Variants in ASXL3 observed in about 807,000 individuals in gnomAD.
The protein encoded by ASXL3 is ASXL transcriptional regulator 3.
A neutral mutation model predicts 170.6 loss-of-function variants in ASXL3; 34 were observed. That is an observed-to-expected ratio of 0.20 (90% CI 0.15 to 0.27). ASXL3 has a LOEUF of 0.27. Among genes scored for constraint, ASXL3 ranks in the 10% least tolerant of loss-of-function variants. The probability of loss-of-function intolerance (pLI) is 1.00; values close to 1 mark genes in which losing one functional copy is unlikely to be tolerated. For synonymous variants in ASXL3, 1,002 were observed against 989.1 expected (o/e 1.01, Z -0.24); for missense variants, 2,592 against 2,695.3 (o/e 0.96, Z 0.85).
At chr18:33,634,849 C>G (rs1362606877) in intron 2 of ASXL3, among the ~76,000 whole-genome samples, 1 of 152,138 alleles carries the variant, frequency 6.6e-6, no homozygotes, top group Non-Finnish European at 1.5e-5. Context: ...AGGTGAACAC[C>G]TAGAATCTTT....
intron 11 of ASXL3, among the ~76,000 whole-genome samples, chr18:33,741,821 C>T (rs1004098357): frequency 6.6e-6 from 1 of 152,202 alleles, no homozygotes; most frequent in African/African-American, 2.4e-5. Flanking sequence ...ACTTTACCTG[C>T]ACAGCCTCAG....
chr18:33,674,007 C>A (rs1022127593), intron 7 of ASXL3, among the ~76,000 whole-genome samples: 2 of 152,100 alleles, frequency 1.3e-5, no homozygotes, highest in Admixed American at 6.5e-5. Context: ...ATGGAATGGT[C>A]TAGGTATTTT....
At position 33,751,063 on chromosome 18, in the gene ASXL3, C is replaced by T. The variant is rs2067878404; in HGVS notation, c.*4468C>T. On this transcript the variant is annotated 3_prime_UTR_variant, in exon 12 of 12. Transcript: ENST00000269197. ...CAAGTGTTGCCTACAAAAGTGACTG[C>T]TCACAATACCATAAGTTAAATGAAA... 1 of 152,124 alleles carries T rather than the reference C, an allele frequency of 6.6e-6. No homozygotes were observed. Among genetic ancestry groups the T allele is most frequent in the Non-Finnish European group, 1.5e-5 (1 of 68,020 alleles). 9.4% of individuals were successfully genotyped at this position (152,124 alleles called of 1,614,324 possible). A position where few individuals can be genotyped will look rare whatever the true frequency, so the allele number is the denominator to read the frequency against.
At chr18:33,578,773 T>C in intron 1 of ASXL3, 88 bp downstream of exon 1, 2 of 848,138 alleles carry the variant, frequency 2.4e-6, no homozygotes, top group Non-Finnish European at 3.0e-6. Flanking sequence ...AGACGGCCAC[T>C]TCCAGCCCGA....
chr18:33,585,496 ATTC>A (rs2065027368), intron 1 of ASXL3, among the ~76,000 whole-genome samples: 2 of 152,196 alleles, frequency 1.3e-5, no homozygotes, highest in African/African-American at 4.8e-5. Flanking sequence ...TTCCCTCAGT[ATTC>A]CCACTTGAAG....
intron 11 of ASXL3, among the ~76,000 whole-genome samples, chr18:33,742,532 A>G (rs2067681601): frequency 6.6e-6 from 1 of 152,224 alleles, no homozygotes; most frequent in African/African-American, 2.4e-5. Flanking sequence ...ACTAAAAAAG[A>G]TATTTCAAAA....
At chr18:33,612,862 G>A (rs929385890) in intron 2 of ASXL3, among the ~76,000 whole-genome samples, 2 of 151,996 alleles carry the variant, frequency 1.3e-5, no homozygotes, top group Non-Finnish European at 2.9e-5. Context: ...CTCCATGTTG[G>A]TGCCCTTCCT....
At chr18:33,698,787 A>G (rs959624216) in intron 8 of ASXL3, among the ~76,000 whole-genome samples, 2 of 152,240 alleles carry the variant, frequency 1.3e-5, no homozygotes, top group Non-Finnish European at 1.5e-5. Context: ...GAAGGAGGCC[A>G]TGATTTATTT....
At chr18:33,704,309 AATTAT>A (rs1262229535) in intron 8 of ASXL3, among the ~76,000 whole-genome samples, 9 of 152,146 alleles carry the variant, frequency 5.9e-5, no homozygotes, top group African/African-American at 1.7e-4. Flanking sequence ...CTGAAAAAAG[AATTAT>A]ATTAAAGTAT....
chr18:33,614,874 T>C (rs1054445259), intron 2 of ASXL3: 1 of 152,082 alleles, frequency 6.6e-6, no homozygotes, highest in Middle Eastern at 3.2e-3. Context: ...AAATATTCAG[T>C]AAACCATGTT....
chr18:33,592,786 A>C (rs1368506412), intron 1 of ASXL3, among the ~76,000 whole-genome samples: 1 of 152,180 alleles, frequency 6.6e-6, no homozygotes, highest in African/African-American at 2.4e-5. Context: ...TGTTAGGAAA[A>C]CAAGGTTAAG....
intron 8 of ASXL3, among the ~76,000 whole-genome samples, chr18:33,699,430 G>T (rs1475738680): frequency 6.6e-6 from 1 of 152,132 alleles, no homozygotes; most frequent in African/African-American, 2.4e-5. Context: ...TAATAAATTT[G>T]AACTGGCAAA....
intron 10 of ASXL3, among the ~76,000 whole-genome samples, chr18:33,736,911 A>G (rs1209694374): frequency 1.3e-5 from 2 of 152,098 alleles, no homozygotes; most frequent in Non-Finnish European, 2.9e-5. Context: ...ACACTTACCT[A>G]TATGTATATT....
intron 2 of ASXL3, among the ~76,000 whole-genome samples, chr18:33,632,615 C>T (rs1456944787): frequency 2.0e-5 from 3 of 152,174 alleles, no homozygotes; most frequent in Non-Finnish European, 4.4e-5. Context: ...CACATTTTGT[C>T]AGTGTCTTTG....
At chr18:33,628,223 A>G (rs1372153385) in intron 2 of ASXL3, among the ~76,000 whole-genome samples, 2 of 152,090 alleles carry the variant, frequency 1.3e-5, no homozygotes, top group Non-Finnish European at 2.9e-5. Flanking sequence ...ACTTCACACA[A>G]TGATAAGTGG....
rs1230948264 is a variant in ASXL3, at chr18:33,746,827, T to C, written c.*232T>C. On this transcript the variant is annotated 3_prime_UTR_variant, in exon 12 of 12. Transcript: ENST00000269197. ...TGTGTTCAGTTGCCATTCCTAGCTT[T>C]GGAAAGTTTCTATCTGTCCATGTGT... is the stretch of plus-strand genomic sequence containing the variant. 3.2e-6 allele frequency: 2 copies of C among 624,434 alleles called. No individual in the cohort carries two copies. The highest frequency in any genetic ancestry group is 3.7e-5 in the African/African-American group (2 of 54,340). 38.7% of individuals were successfully genotyped at this position (624,434 alleles called of 1,614,324 possible).
intron 8 of ASXL3, among the ~76,000 whole-genome samples, chr18:33,687,449 C>CGTAA (rs2066614633): frequency 6.6e-6 from 1 of 152,182 alleles, no homozygotes; most frequent in African/African-American, 2.4e-5. Flanking sequence ...TCAATTACAT[C>CGTAA]TTCACATATT....
intron 1 of ASXL3, among the ~76,000 whole-genome samples, chr18:33,593,266 T>TC (rs2065095287): frequency 6.8e-6 from 1 of 147,082 alleles, no homozygotes; most frequent in Non-Finnish European, 1.5e-5. Flanking sequence ...ACCTTTTTTT[T>TC]TTTTTTTTTT....
At chr18:33,632,712 G>A (rs1186755342) in intron 2 of ASXL3, among the ~76,000 whole-genome samples, 1 of 152,044 alleles carries the variant, frequency 6.6e-6, no homozygotes, top group African/African-American at 2.4e-5. Context: ...CCACATTGCT[G>A]CCTACCATTA....
Sources: gnomAD v4.1 joint callset for allele counts (sites outside exome capture counted in the v4.1 genomes callset) on GRCh38, gnomAD v4.1.1 for gene constraint, MANE v1.5 for transcripts, NCBI Gene and HGNC (gene_info 2026-07-23, HGNC 2026-07-21) for gene names.